The following SUGCT variants were observed in gnomAD, a reference collection of about 807,000 sequenced individuals.
SUGCT encodes the protein succinyl-CoA:glutarate-CoA transferase, also known as succinyl-CoA:glutarate CoA-transferase.
Under a neutral mutation model 55.0 loss-of-function variants are expected in SUGCT, and 41 were observed. The observed-to-expected ratio is 0.74, with a 90% CI of 0.58 to 0.97. The LOEUF (loss-of-function observed/expected upper bound fraction) is 0.97. SUGCT is among the 50% of genes least tolerant of loss of function. SUGCT has a pLI of 0.00. For synonymous variants in SUGCT, 187 were observed against 200.4 expected (o/e 0.93, Z 0.56); for missense variants, 568 against 547.8 (o/e 1.04, Z -0.37).
intron 12 of SUGCT, among the ~76,000 whole-genome samples, chr7:40,744,470 A>G (rs180711032): frequency 1.4e-4 from 22 of 152,316 alleles, no homozygotes; most frequent in Admixed American, 6.5e-5. Context: ...AGAATTGACC[A>G]CATCAGCTAG....
the SUGCT span, among the ~76,000 whole-genome samples, chr7:40,970,932 G>T: frequency 6.6e-6 from 1 of 152,190 alleles, no homozygotes; most frequent in Non-Finnish European, 1.5e-5. Flanking sequence ...TTTAAGCAAA[G>T]AAGTGACACT....
At chr7:40,902,593 AG>A in the SUGCT span, among the ~76,000 whole-genome samples, 2 of 149,958 alleles carry the variant, frequency 1.3e-5, no homozygotes, top group Non-Finnish European at 3.0e-5. Flanking sequence ...AAAAAAAAAA[AG>A]AGAAAAAAAA....
the SUGCT span, among the ~76,000 whole-genome samples, chr7:41,030,784 C>T: frequency 1.3e-5 from 2 of 152,090 alleles, no homozygotes; most frequent in Non-Finnish European, 2.9e-5. Context: ...GAAGTGAGAT[C>T]GTTGCCTCTG....
intron 8 of SUGCT, among the ~76,000 whole-genome samples, chr7:40,285,032 A>G (rs926875195): frequency 1.3e-5 from 2 of 152,182 alleles, no homozygotes; most frequent in Admixed American, 1.3e-4. Context: ...AATGAGGAAA[A>G]TCAGGTCTTC....
intron 12 of SUGCT, among the ~76,000 whole-genome samples, chr7:40,500,884 AACACAT>A (rs112644426): frequency 0.11 from 16,771 of 151,598 alleles, 1,160 homozygotes; most frequent in Middle Eastern, 0.21. Flanking sequence ...CACACACACA[AACACAT>A]ACACATACAC....
At chr7:40,998,836 A>T in the SUGCT span, among the ~76,000 whole-genome samples, 1 of 152,190 alleles carries the variant, frequency 6.6e-6, no homozygotes, top group Non-Finnish European at 1.5e-5. Context: ...GACTTTACAA[A>T]AGCTTAGGTG....
chr7:40,394,768 A>G (rs1424906773), intron 9 of SUGCT, among the ~76,000 whole-genome samples: 1 of 152,184 alleles, frequency 6.6e-6, no homozygotes, highest in Admixed American at 6.5e-5. Context: ...TATATAAGTG[A>G]GGTGATGCAG....
At chr7:40,388,132 A>T (rs1785223501) in intron 9 of SUGCT, 1 of 152,148 alleles carries the variant, frequency 6.6e-6, no homozygotes, top group South Asian at 2.1e-4. Context: ...TCTAATAAAC[A>T]TTACCACAAT....
intron 13 of SUGCT, among the ~76,000 whole-genome samples, chr7:40,815,125 A>G (rs1478355580): frequency 2.0e-5 from 3 of 152,172 alleles, no homozygotes; most frequent in Admixed American, 2.0e-4. Flanking sequence ...TCCTCAGGCA[A>G]TGGGCTAAGC....
intron 13 of SUGCT, among the ~76,000 whole-genome samples, chr7:40,849,987 T>C (rs941441717): frequency 6.6e-6 from 1 of 152,084 alleles, no homozygotes; most frequent in Non-Finnish European, 1.5e-5. Context: ...TAGGTGGCAT[T>C]TGACAAATTC....
At chr7:40,205,799 A>T (rs1786941949) in intron 6 of SUGCT, among the ~76,000 whole-genome samples, 1 of 152,000 alleles carries the variant, frequency 6.6e-6, no homozygotes, top group African/African-American at 2.4e-5. Flanking sequence ...TATTTTTCTG[A>T]TACTATTGAT....
chr7:40,977,337 A>G, the SUGCT span, among the ~76,000 whole-genome samples: 1 of 152,368 alleles, frequency 6.6e-6, no homozygotes, highest in South Asian at 2.1e-4. Context: ...TTGAAGGGAC[A>G]GGACAGAGCT....
intron 7 of SUGCT, among the ~76,000 whole-genome samples, chr7:40,271,434 C>T (rs1407725463): frequency 6.6e-6 from 1 of 152,032 alleles, no homozygotes; most frequent in Non-Finnish European, 1.5e-5. Flanking sequence ...GGCCTCTTGT[C>T]TTGTTCTTCA....
intron 6 of SUGCT, among the ~76,000 whole-genome samples, chr7:40,224,743 T>C (rs906681797): frequency 2.0e-5 from 3 of 152,228 alleles, no homozygotes; most frequent in Non-Finnish European, 4.4e-5. Flanking sequence ...ATTCCCGCTA[T>C]ACTACTGTTT....
chr7:40,353,508 A>G (rs1043069336), intron 9 of SUGCT, among the ~76,000 whole-genome samples: 4 of 152,210 alleles, frequency 2.6e-5, no homozygotes, highest in Non-Finnish European at 5.9e-5. Context: ...TTGGGTTTAA[A>G]TATTTATTCT....
intron 11 of SUGCT, among the ~76,000 whole-genome samples, chr7:40,488,892 CCTCT>C (rs2151503725): frequency 1.3e-5 from 2 of 152,144 alleles, no homozygotes; most frequent in African/African-American, 4.8e-5. Flanking sequence ...CTTTCAGTAT[CCTCT>C]CTATGGTTTT....
At chr7:40,934,240 C>G in the SUGCT span, among the ~76,000 whole-genome samples, 1 of 152,106 alleles carries the variant, frequency 6.6e-6, no homozygotes. Flanking sequence ...CACTGCAGAC[C>G]CTGTTTTCCT....
At chr7:40,540,914 G>T (rs986747748) in intron 12 of SUGCT, among the ~76,000 whole-genome samples, 1 of 152,222 alleles carries the variant, frequency 6.6e-6, no homozygotes, top group Non-Finnish European at 1.5e-5. Context: ...GAAGAGAGCA[G>T]TAAGAGCAAT....
At chr7:41,003,053 T>A in the SUGCT span, among the ~76,000 whole-genome samples, 52,734 of 151,980 alleles carry the variant, frequency 0.35, 10,224 homozygotes, top group Admixed American at 0.5. Flanking sequence ...ATCTACCACA[T>A]AGAGTTTTTA....
Sources: gnomAD v4.1 joint callset for allele counts (sites outside exome capture counted in the v4.1 genomes callset) on GRCh38, gnomAD v4.1.1 for gene constraint, MANE v1.5 for transcripts, NCBI Gene and HGNC (gene_info 2026-07-23, HGNC 2026-07-21) for gene names.